The following ABL2 variants were observed in gnomAD, a reference collection of about 807,000 sequenced individuals.
The protein encoded by ABL2 is ABL proto-oncogene 2, non-receptor tyrosine kinase.
In ABL2, 49 loss-of-function variants were observed where a neutral mutation model predicts 107.7. That is an observed-to-expected ratio of 0.45 (90% CI 0.36 to 0.58). The LOEUF is 0.58. Among genes scored for constraint, ABL2 ranks in the 20% least tolerant of loss-of-function variants. The probability of loss-of-function intolerance (pLI) is 0.00; values close to 1 mark genes in which losing one functional copy is unlikely to be tolerated. For missense variants in ABL2, 1,245 were observed against 1,457.0 expected, an observed-to-expected ratio of 0.85 and a Z score of 2.37; for synonymous variants, 549 against 548.6, an observed-to-expected ratio of 1.00 and a Z score of -0.01.
chr1:179,191,561 C>T (rs112910690), intron 1 of ABL2, among the ~76,000 whole-genome samples: 1 of 151,990 alleles, frequency 6.6e-6, no homozygotes, highest in African/African-American at 2.4e-5. Context: ...GCTGGGATTA[C>T]AGGCATGTGC....
intron 1 of ABL2, chr1:179,220,812 T>G (rs1662829873): frequency 6.4e-6 from 1 of 156,348 alleles, no homozygotes; most frequent in Non-Finnish European, 1.4e-5. Context: ...AAGAAGAACT[T>G]GCAGTTCGCA....
At position 179,107,509 on chromosome 1, in the gene ABL2, C is replaced by T; in HGVS notation, c.*209G>A. The T allele has an allele frequency of 1.0e-6, 1 of 955,396 alleles. No individual in the cohort carries two copies. The highest frequency in any genetic ancestry group is 1.5e-6 in the Non-Finnish European group (1 of 685,216). 59.2% of individuals were successfully genotyped at this position (955,396 alleles called of 1,614,324 possible). ...AACCCTGTCCACTACTGCCTTGCCC[C>T]CACTTAATTTACCTCTCCTATACTT... On this transcript the variant is annotated 3_prime_UTR_variant, in exon 12 of 12. Coordinates refer to ENST00000502732, the MANE Select transcript of ABL2 (RefSeq NM_007314.4).
At chr1:179,117,232 G>T (rs755709026) in intron 8 of ABL2, 100 bp downstream of exon 8, 23 of 1,185,458 alleles carry the variant, frequency 1.9e-5, no homozygotes, top group Non-Finnish European at 2.8e-5. Context: ...GGCAGGTAAA[G>T]GTAGAGGATA....
In ABL2 at chr1:179,229,363, G is replaced by C; in HGVS notation, c.35C>G (p.Pro12Arg). The change falls in exon 1 of 12, where the codon CCG (proline) becomes CGG (arginine). Residue 12 changes from proline to arginine, a missense_variant. Pro to Arg is a moderately radical substitution (Grantham distance 103). Coordinates refer to ENST00000502732, the MANE Select transcript of ABL2 (RefSeq NM_007314.4). Reference sequence around the variant, plus strand: ...GCGGGGCTGAGGCTGCTGGAGCCCCGGAGCTTCCCCGACGCGGCCCACCTG... The same window carrying C: ...GCGGGGCTGAGGCTGCTGGAGCCCCCGAGCTTCCCCGACGCGGCCCACCTG... The part of the protein sequence containing the change: ...GQQVGRVGEA[P>R]GLQQPQPRGI... The C allele has an allele frequency of 6.4e-7, 1 of 1,574,382 alleles. No individual in the cohort carries two copies. The highest frequency in any genetic ancestry group is 8.6e-7 in the Non-Finnish European group (1 of 1,165,160).
Position 179,109,123 on chromosome 1 carries a change from G to C in ABL2, c.2144C>G (p.Pro715Arg). 6.2e-7 allele frequency: 1 copy of C among 1,611,350 alleles called. No individual in the cohort carries two copies. The highest frequency in any genetic ancestry group is 8.5e-7 in the Non-Finnish European group (1 of 1,179,732). ...TGCAAAGCTCCCCCCATAGCACTTG[G>C]GTGGCACCAGATTCGCCTCTTGCTG... The part of the protein sequence containing the change: ...PAQQEANLVP[P>R]KCYGGSFAQR... The change falls in exon 12 of 12, where the codon CCC becomes CGC. Residue 715 changes from proline to arginine, a missense_variant. Transcript: ENST00000502732.
chr1:179,208,585 C>T (rs1449198962), intron 1 of ABL2, among the ~76,000 whole-genome samples: 2 of 152,196 alleles, frequency 1.3e-5, no homozygotes, highest in African/African-American at 4.8e-5. Context: ...TATCTCCCCT[C>T]AGATGTAGCA....
intron 9 of ABL2, among the ~76,000 whole-genome samples, chr1:179,113,197 A>ATCAC (rs1490739613): frequency 1.3e-5 from 2 of 152,182 alleles, no homozygotes. Context: ...TACAGGTGTG[A>ATCAC]GCCACTGCAC....
At chr1:179,180,483 C>G (rs1376912496) in intron 1 of ABL2, among the ~76,000 whole-genome samples, 2 of 152,134 alleles carry the variant, frequency 1.3e-5, no homozygotes, top group African/African-American at 4.8e-5. Flanking sequence ...GACTCTGCTG[C>G]TAAGGCCTAC....
intron 6 of ABL2, among the ~76,000 whole-genome samples, chr1:179,119,104 G>A (rs1654932042): frequency 6.6e-6 from 1 of 151,946 alleles, no homozygotes; most frequent in Non-Finnish European, 1.5e-5. Context: ...TCAACTGCAG[G>A]CTAACAATAC....
Position 179,106,385 on chromosome 1 carries a change from G to T in ABL2, c.*1333C>A, listed in dbSNP as rs1653471545. 1 of 231,590 alleles carries T rather than the reference G, an allele frequency of 4.3e-6. No homozygotes were observed. 14.3% of individuals were successfully genotyped at this position (231,590 alleles called of 1,614,324 possible). A position where few individuals can be genotyped will look rare whatever the true frequency, so the allele number is the denominator to read the frequency against. On this transcript the variant is annotated 3_prime_UTR_variant, in exon 12 of 12. Coordinates refer to ENST00000502732, the MANE Select transcript of ABL2 (RefSeq NM_007314.4). ...GGTCTACCTGGTGCTCCCTGAAAAT[G>T]ACTACTCCTTCAATTATGCATTCTT... is the stretch of plus-strand genomic sequence containing the variant.
In ABL2 at chr1:179,167,853, C is replaced by T. The variant is rs918279778; in HGVS notation, c.158-34479G>A. On this transcript the variant is annotated intron_variant, in intron 1 of 11. Transcript: ENST00000502732. ...AAACTCTGCGGGGTGTGGTGGCAGGCGCCAGTAATCCCAGCTACTCAGGAG... is the reference window on the plus strand; with the variant it reads ...AAACTCTGCGGGGTGTGGTGGCAGGTGCCAGTAATCCCAGCTACTCAGGAG... 6.6e-5 allele frequency among the ~76,000 whole-genome samples: 10 copies of T among 152,230 alleles called. No homozygotes were observed. In the South Asian group the frequency reaches 8.3e-4, roughly 13 times the overall value.
At position 179,207,159 on chromosome 1, in the gene ABL2, C is replaced by T. The variant is rs1344752993; in HGVS notation, c.157+22082G>A. The stretch of plus-strand genomic sequence containing the variant: ...AAGTCAGCTCCTCTGATTCTCCATT[C>T]TTTTCTTTCTTTTTTTTTTTTTTGT... On this transcript the variant is annotated intron_variant, in intron 1 of 11. Transcript: ENST00000502732. Among the ~76,000 whole-genome samples, 6 of 149,408 alleles carry T rather than the reference C, an allele frequency of 4.0e-5. 1 individual carries two copies. In the South Asian group the frequency reaches 1.3e-3, roughly 31 times the overall value.
Position 179,161,356 on chromosome 1 carries a change from G to GAA in ABL2, c.158-27984_158-27983dup, listed in dbSNP as rs58594632. On this transcript the variant is annotated intron_variant, in intron 1 of 11. Coordinates refer to ENST00000502732, the MANE Select transcript of ABL2 (RefSeq NM_007314.4). The stretch of plus-strand genomic sequence containing the variant: ...AACACAGGGATACCCTACCTCAAAA[G>GAA]AAAAAAAAAAAAAAGGAAAAACAGA... Among the ~76,000 whole-genome samples the GAA allele has an allele frequency of 7.0e-3, 864 of 123,340 alleles. 14 individuals are homozygous for GAA. Among genetic ancestry groups the GAA allele is most frequent in the African/African-American group, 0.023 (759 of 32,682 alleles). The allele number at this position is 123,340 out of a possible 152,430, so 80.9% of individuals were successfully genotyped here.
At chr1:179,170,314 T>C (rs530125005) in intron 1 of ABL2, among the ~76,000 whole-genome samples, 1 of 152,332 alleles carries the variant, frequency 6.6e-6, no homozygotes, top group South Asian at 2.1e-4. Flanking sequence ...ACTTTTTCAA[T>C]AGCAATTACG....
At chr1:179,163,248 A>C (rs1289049434) in intron 1 of ABL2, among the ~76,000 whole-genome samples, 2 of 152,236 alleles carry the variant, frequency 1.3e-5, no homozygotes, top group African/African-American at 4.8e-5. Context: ...ACAAGCAAGC[A>C]GACCAACTGG....
Position 179,126,064 on chromosome 1 carries a change from T to C in ABL2, c.687+313A>G, listed in dbSNP as rs1433113690. Among the ~76,000 whole-genome samples, 1 of 152,232 alleles carries C rather than the reference T, an allele frequency of 6.6e-6. No homozygotes were observed. Among genetic ancestry groups the C allele is most frequent in the Non-Finnish European group, 1.5e-5 (1 of 68,034 alleles). On this transcript the variant is annotated intron_variant, in intron 4 of 11. Coordinates refer to ENST00000502732, the MANE Select transcript of ABL2 (RefSeq NM_007314.4). This position sits in a 1 kb window ranked among gnomAD's most constrained non-coding sequence, Gnocchi z 4.4. ...ATACAATGTTAACTGATAAACTCTA[T>C]ACCAGTGCACTGGGTGTATATTTGT...
At chr1:179,202,372 C>G (rs1661723338) in intron 1 of ABL2, among the ~76,000 whole-genome samples, 1 of 152,176 alleles carries the variant, frequency 6.6e-6, no homozygotes, top group South Asian at 2.1e-4. Flanking sequence ...GAAATTAACT[C>G]ATGACATTTT....
intron 1 of ABL2, among the ~76,000 whole-genome samples, chr1:179,151,465 A>G (rs1195863772): frequency 6.6e-6 from 1 of 152,224 alleles, no homozygotes; most frequent in African/African-American, 2.4e-5. Context: ...TATATTTAAT[A>G]TAATTTATAC....
chr1:179,176,939 G>A (rs1281651873), intron 1 of ABL2, among the ~76,000 whole-genome samples: 1 of 151,844 alleles, frequency 6.6e-6, no homozygotes, highest in East Asian at 1.9e-4. Flanking sequence ...CAGGTGATCT[G>A]CCCACCTCGG....
Sources: allele counts gnomAD v4.1 joint callset (sites outside exome capture counted in the v4.1 genomes callset), GRCh38; gene constraint gnomAD v4.1.1; non-coding constraint Gnocchi (gnomAD v3.1); transcripts MANE v1.5; gene names NCBI Gene and HGNC (gene_info 2026-07-23, HGNC 2026-07-21).